SART3: variants seen among roughly 807,000 people sequenced by gnomAD.
SART3 encodes HIV-1 Tat-interacting protein of 110kDa.
In SART3, 44 loss-of-function variants were observed where a neutral mutation model predicts 122.3. The observed-to-expected ratio is 0.36, with a 90% confidence interval of 0.28 to 0.46. The LOEUF (loss-of-function observed/expected upper bound fraction) is 0.46. Ranked by LOEUF, SART3 falls within the 20% of genes least tolerant of loss-of-function variation. The probability of loss-of-function intolerance (pLI) is 1.00; values close to 1 mark genes in which losing one functional copy is unlikely to be tolerated. For missense variants in SART3, 1,101 were observed against 1,229.0 expected (o/e 0.90, Z 1.56); for synonymous variants, 442 against 454.0 (o/e 0.97, Z 0.34).
intron 16 of SART3, 138 bp from the exon 17 acceptor site, chr12:108,525,747 A>C: frequency 2.3e-6 from 2 of 873,734 alleles, no homozygotes; most frequent in Non-Finnish European, 3.8e-6. Context: ...GAAACTTGTT[A>C]ATGGGGCCAC....
chr12:108,524,358 T>C lies in SART3; in HGVS notation c.2672A>G (p.Lys891Arg), dbSNP rs774410439. 14 of 1,614,086 alleles carry C rather than the reference T, an allele frequency of 8.7e-6. No individual in the cohort carries two copies. Among genetic ancestry groups the C allele is most frequent in the Non-Finnish European group, 1.2e-5 (14 of 1,180,014 alleles). The change falls in exon 18 of 19, where the codon AAG becomes AGG. Residue 891 changes from lysine (K) to arginine (R), a missense_variant. By Grantham distance (26) the Lys-to-Arg change is conservative. Coordinates refer to ENST00000546815, the MANE Select transcript of SART3 (RefSeq NM_014706.4). ...CAAAAGCATGGGGCCACCTGGTGCC[T>C]TCCTGGTCTCCGGCTTCTCTGGAAC... ...RKVPEKPETR[K>R]APGGPMLLPQ... is the part of the protein sequence containing the mutation.
chr12:108,555,718 G>A (rs1369987390), intron 1 of SART3, among the ~76,000 whole-genome samples: 1 of 152,102 alleles, frequency 6.6e-6, no homozygotes, highest in Non-Finnish European at 1.5e-5. Flanking sequence ...TGCATGTTCT[G>A]GGTTAGAATA....
At chr12:108,538,341 C>T in intron 7 of SART3, 138 bp from the exon 8 acceptor site, 1 of 990,776 alleles carries the variant, frequency 1.0e-6, no homozygotes, top group Non-Finnish European at 1.5e-6. Flanking sequence ...TCAACAACAA[C>T]AAAAAAATCA....
In SART3 at chr12:108,532,250, T is replaced by G; in HGVS notation, c.1641A>C (p.Glu547Asp). 1 of 1,614,150 alleles carries G rather than the reference T, an allele frequency of 6.2e-7. No homozygotes were observed. Among genetic ancestry groups the G allele is most frequent in the Non-Finnish European group, 8.5e-7 (1 of 1,179,992 alleles). Residue 547 changes from glutamate (E) to aspartate (D), a missense_variant, in exon 13 of 19, where the codon GAA becomes GAC. Glu to Asp is a conservative substitution (Grantham distance 45, BLOSUM62 2). This residue lies in a region of SART3 where 885 missense variants were observed against 1,080.1 expected (regional missense o/e 0.82). Transcript: ENST00000546815. ...CTGTCCTCTCCATGGTGAGTAACAC[T>G]TCGCAGACGTGCTCTGGGTAGTCAC... ...CTSDYPEHVC[E>D]VLLTMERTEG... is the part of the protein sequence containing the mutation.
rs1223743992 is a variant in SART3, at chr12:108,523,215, G to A, written c.*242C>T. The stretch of plus-strand genomic sequence containing the variant: ...TCTTTAAGATACAAAACTATCTCAG[G>A]ACACCACATCCTGGGCCCAGCCTGC... On this transcript the variant is annotated 3_prime_UTR_variant, in exon 19 of 19. Transcript: ENST00000546815. The A allele has an allele frequency of 3.4e-6, 2 of 588,864 alleles. No individual in the cohort carries two copies. The highest frequency in any genetic ancestry group is 3.0e-6 in the Non-Finnish European group (1 of 329,646). The allele number at this position is 588,864 out of a possible 1,614,324, so 36.5% of individuals were successfully genotyped here. A position where few individuals can be genotyped will look rare whatever the true frequency, so the allele number is the denominator to read the frequency against.
At chr12:108,523,708 CA>C in intron 18 of SART3, 74 bp from the exon 19 acceptor site, 1 of 1,318,584 alleles carries the variant, frequency 7.6e-7, no homozygotes, top group Non-Finnish European at 1.1e-6. Context: ...GAAAATAAGC[CA>C]AGACAGTTTT....
chr12:108,528,228 A>G (rs1261090916), intron 15 of SART3, among the ~76,000 whole-genome samples: 1 of 152,172 alleles, frequency 6.6e-6, no homozygotes, highest in Non-Finnish European at 1.5e-5. Flanking sequence ...CATGCCTGTA[A>G]TAACAGCACT....
At chr12:108,523,864 T>A in intron 18 of SART3, 2 of 606,358 alleles carry the variant, frequency 3.3e-6, no homozygotes, top group South Asian at 2.0e-5. Flanking sequence ...CCAGTCACAC[T>A]CAGAGGGGAT....
Position 108,526,191 on chromosome 12 carries a change from G to A in SART3, c.2278C>T (p.Leu760Phe). The A allele has an allele frequency of 6.2e-7, 1 of 1,614,164 alleles. No homozygotes were observed. The highest frequency in any genetic ancestry group is 8.5e-7 in the Non-Finnish European group (1 of 1,180,022). The change falls in exon 16 of 19, where the codon CTT becomes TTT. Residue 760 changes from leucine (L) to phenylalanine (F), a missense_variant. By Grantham distance (22) the Leu-to-Phe change is conservative. This residue lies in a region of SART3 where 885 missense variants were observed against 1,080.1 expected (regional missense o/e 0.82). Transcript: ENST00000546815. ...TTCCGGTCCATCTCCAGTGCCTGAA[G>A]GGCTGATTTCTCTTCTTTAAACTCC... is the stretch of plus-strand genomic sequence containing the variant. ...YVEFKEEKSA[L>F]QALEMDRKSV... is the part of the protein sequence containing the mutation.
At chr12:108,537,270 C>T (rs887740331) in intron 9 of SART3, 2 of 533,702 alleles carry the variant, frequency 3.7e-6, no homozygotes, top group Non-Finnish European at 6.8e-6. Context: ...ACTAAAAAGG[C>T]TGGCAGGAGC....
In SART3 at chr12:108,526,297, T is replaced by C. The variant is rs1872376793; in HGVS notation, c.2172A>G (p.Pro724=). Residue 724 remains proline, a synonymous_variant, in exon 16 of 19, where the codon CCA becomes CCG. Coordinates refer to ENST00000546815, the MANE Select transcript of SART3 (RefSeq NM_014706.4). ...SMQEPDTKLR[P]LFEACGEVVQ... ...CCACCTCCCCACAGGCCTCGAAGAG[T>C]GGCCTGAGCTTCGTGTCCGGCTCCT... is the stretch of plus-strand genomic sequence containing the variant. 6.2e-7 allele frequency: 1 copy of C among 1,614,020 alleles called. No individual in the cohort carries two copies.
intron 1 of SART3, among the ~76,000 whole-genome samples, chr12:108,556,100 C>CT (rs5800833): frequency 8.8e-4 from 129 of 145,992 alleles, no homozygotes; most frequent in African/African-American, 2.6e-3. Context: ...GAGAAACTCT[C>CT]TTTTTTTTTT....
Position 108,538,168 on chromosome 12 carries a change from A to G in SART3, c.1098T>C (p.Ser366=). The G allele has an allele frequency of 4.3e-6, 7 of 1,614,226 alleles. No homozygotes were observed. The highest frequency in any genetic ancestry group is 5.9e-6 in the Non-Finnish European group (7 of 1,180,020). ...AGTTTCTAATAGCGCGGTTATGTAC[A>G]GATAAAACCAAATCCTTTACTTTCA... is the stretch of plus-strand genomic sequence containing the variant. ...RQLKVKDLVL[S]VHNRAIRNCP... Residue 366 remains serine, a synonymous_variant, in exon 8 of 19, where the codon TCT becomes TCC. Transcript: ENST00000546815.
chr12:108,557,113 C>T (rs1015756101), intron 1 of SART3, among the ~76,000 whole-genome samples: 7 of 150,930 alleles, frequency 4.6e-5, no homozygotes, highest in South Asian at 2.1e-4. Context: ...CTGAAATGCA[C>T]TTAAAAGAGC....
chr12:108,528,447 C>G (rs1872498932), intron 15 of SART3, among the ~76,000 whole-genome samples: 1 of 145,332 alleles, frequency 6.9e-6, no homozygotes. Context: ...CACGCAACTG[C>G]ACTCCAGCCT....
chr12:108,528,873 G>A (rs1414057042), intron 15 of SART3, among the ~76,000 whole-genome samples: 1 of 152,196 alleles, frequency 6.6e-6, no homozygotes, highest in African/African-American at 2.4e-5. Context: ...TGTAATCCCA[G>A]CACTTTGGGA....
chr12:108,541,615 A>G (rs1422147301), intron 6 of SART3, among the ~76,000 whole-genome samples: 4 of 151,660 alleles, frequency 2.6e-5, no homozygotes, highest in Non-Finnish European at 5.9e-5. Flanking sequence ...CTCGGCTCAC[A>G]GCAACCTCCA....
intron 1 of SART3, among the ~76,000 whole-genome samples, chr12:108,555,347 A>G (rs1336474959): frequency 1.3e-5 from 2 of 152,210 alleles, no homozygotes; most frequent in East Asian, 3.8e-4. Flanking sequence ...CTATGGCAAA[A>G]TGTTTTTAAA....
intron 1 of SART3, 113 bp downstream of exon 1, chr12:108,560,730 G>T: frequency 1.1e-6 from 1 of 935,074 alleles, no homozygotes; most frequent in Non-Finnish European, 1.6e-6. Flanking sequence ...CGAAAAGCGG[G>T]TTTGCAGCCT....
Sources: allele counts gnomAD v4.1 joint callset (sites outside exome capture counted in the v4.1 genomes callset), GRCh38; gene constraint gnomAD v4.1.1; regional missense constraint gnomAD v4.1.1; transcripts MANE v1.5; gene names NCBI Gene and HGNC (gene_info 2026-07-23, HGNC 2026-07-21).